Variants in KIF26B observed in about 807,000 individuals in gnomAD.
KIF26B encodes kinesin-like protein KIF26B.
Under a neutral mutation model 151.2 loss-of-function variants are expected in KIF26B, and 63 were observed. That is an observed-to-expected ratio of 0.42 (90% CI 0.34 to 0.51). KIF26B has a LOEUF of 0.51. Among genes scored for constraint, KIF26B ranks in the 20% least tolerant of loss-of-function variants. The pLI is 0.07. For missense variants in KIF26B, 2,813 were observed against 2,913.6 expected (o/e 0.97, Z 0.79); for synonymous variants, 1,357 against 1,262.1 (o/e 1.08, Z -1.59).
intron 2 of KIF26B, among the ~76,000 whole-genome samples, chr1:245,245,199 GTGTC>G (rs374136352): frequency 2.0e-5 from 3 of 152,166 alleles, no homozygotes; most frequent in African/African-American, 4.8e-5. Context: ...GCTTTGCCTG[GTGTC>G]TGTCTGAGCG....
chr1:245,181,870 C>G (rs1257290193), intron 2 of KIF26B, among the ~76,000 whole-genome samples: 2 of 152,062 alleles, frequency 1.3e-5, no homozygotes, highest in East Asian at 1.9e-4. Context: ...CGTGCTAATG[C>G]TAGCTAATGC....
At chr1:245,395,991 G>A (rs1673829082) in intron 3 of KIF26B, among the ~76,000 whole-genome samples, 1 of 152,212 alleles carries the variant, frequency 6.6e-6, no homozygotes, top group South Asian at 2.1e-4. Context: ...AACTGTGGCA[G>A]CCTCTGCTCT....
intron 2 of KIF26B, among the ~76,000 whole-genome samples, chr1:245,307,174 C>T (rs997057692): frequency 1.3e-5 from 2 of 152,120 alleles, no homozygotes; most frequent in Non-Finnish European, 2.9e-5. Context: ...ATTAGTTTGT[C>T]AGATGAGGTA....
In KIF26B at chr1:245,560,833, G is replaced by A. The variant is rs1391207433; in HGVS notation, c.1350+19883G>A. 3.3e-5 allele frequency among the ~76,000 whole-genome samples: 5 copies of A among 152,118 alleles called. No homozygotes were observed. The highest frequency in any genetic ancestry group is 7.4e-5 in the Non-Finnish European group (5 of 68,006). On this transcript the variant is annotated intron_variant, in intron 5 of 14. Transcript: ENST00000407071. The surrounding 1 kb of genome is among the most constrained non-coding windows in gnomAD (Gnocchi z 4.3). Reference sequence around the variant, plus strand: ...TCCCCACAGCACAGGGACAGCCTCCGCAGACTCCCGTGTGTGTGCTCTGGA... The same window carrying A: ...TCCCCACAGCACAGGGACAGCCTCCACAGACTCCCGTGTGTGTGCTCTGGA...
intron 4 of KIF26B, among the ~76,000 whole-genome samples, chr1:245,474,655 C>T (rs900802413): frequency 6.6e-6 from 1 of 151,702 alleles, no homozygotes; most frequent in Non-Finnish European, 1.5e-5. Context: ...TCAGGTGATC[C>T]GCCTGCCTTG....
rs746703956 is a variant in KIF26B at position 245,702,748 on chromosome 1, G to A, written c.*142G>A. 9.0e-5 allele frequency: 81 copies of A among 902,000 alleles called. 1 individual carries two copies. In the Middle Eastern group the frequency reaches 1.1e-3, roughly 12 times the overall value. 55.9% of individuals were successfully genotyped at this position (902,000 alleles called of 1,614,324 possible). ...GGCAAGTCTGGAGCGGGCGTTGAGC[G>A]GAAGGCGAGTTTTCTTTTGTTTTCT... On this transcript the variant is annotated 3_prime_UTR_variant, in exon 15 of 15. Coordinates refer to ENST00000407071, the MANE Select transcript of KIF26B (RefSeq NM_018012.4). This position sits in a 1 kb window ranked among gnomAD's most constrained non-coding sequence, Gnocchi z 4.1.
intron 10 of KIF26B, among the ~76,000 whole-genome samples, chr1:245,656,674 A>G (rs1031680728): frequency 2.0e-5 from 3 of 152,244 alleles, no homozygotes; most frequent in African/African-American, 7.2e-5. Flanking sequence ...TGGAGCATAC[A>G]AATGTGTTGG....
chr1:245,599,090 A>G (rs1377662454), intron 5 of KIF26B, among the ~76,000 whole-genome samples: 1 of 152,042 alleles, frequency 6.6e-6, no homozygotes, highest in African/African-American at 2.4e-5. Context: ...GTTGCCAAGA[A>G]CCTAAGGGTG....
At chr1:245,670,822 C>T (rs185636128) in intron 10 of KIF26B, among the ~76,000 whole-genome samples, 46 of 152,260 alleles carry the variant, frequency 3.0e-4, no homozygotes, top group African/African-American at 1.1e-3. Context: ...ATGGGGTATC[C>T]ATCCCCTCAA....
chr1:245,297,155 C>T (rs994813273), intron 2 of KIF26B, among the ~76,000 whole-genome samples: 6 of 152,080 alleles, frequency 3.9e-5, no homozygotes, highest in African/African-American at 1.4e-4. Context: ...CCAGCCTGGC[C>T]AACATGGTGA....
intron 2 of KIF26B, among the ~76,000 whole-genome samples, chr1:245,333,342 C>G (rs1672151257): frequency 6.6e-6 from 1 of 152,218 alleles, no homozygotes; most frequent in South Asian, 2.1e-4. Context: ...CAGCCACAGT[C>G]ACAAAAGCGC....
rs114721482 is a variant in KIF26B, at chr1:245,209,050, C to T, written c.465+52367C>T. Among the ~76,000 whole-genome samples, 1,021 of 152,276 alleles carry T rather than the reference C, an allele frequency of 6.7e-3. 5 individuals carry two copies. Among genetic ancestry groups the T allele is most frequent in the Middle Eastern group, 0.02 (6 of 294 alleles). On this transcript the variant is annotated intron_variant, in intron 2 of 14. Transcript: ENST00000407071. ...GTAAGTCCCTTGAGGTCAAGGATCT[C>T]GTCTCCTCTGTTCTTAGTATCCTCT...
At chr1:245,235,185 T>C (rs1388482485) in intron 2 of KIF26B, among the ~76,000 whole-genome samples, 2 of 152,218 alleles carry the variant, frequency 1.3e-5, no homozygotes, top group African/African-American at 4.8e-5. Context: ...AGGTCATTAC[T>C]CTCTTGCTTT....
intron 4 of KIF26B, among the ~76,000 whole-genome samples, chr1:245,523,414 T>C (rs1661173880): frequency 6.6e-6 from 1 of 152,240 alleles, no homozygotes; most frequent in Non-Finnish European, 1.5e-5. Flanking sequence ...AGAGTATCTG[T>C]AGATAATCTA....
At chr1:245,187,077 G>A (rs1669013463) in intron 2 of KIF26B, among the ~76,000 whole-genome samples, 1 of 152,082 alleles carries the variant, frequency 6.6e-6, no homozygotes, top group African/African-American at 2.4e-5. Flanking sequence ...GGATGGTCTC[G>A]ATCTCTTGAC....
chr1:245,609,010 C>T (rs781373215), intron 7 of KIF26B, among the ~76,000 whole-genome samples: 4 of 152,158 alleles, frequency 2.6e-5, no homozygotes, highest in African/African-American at 9.7e-5. Flanking sequence ...CATCTTGGCC[C>T]CCACAAAGTG....
At chr1:245,444,697 C>T (rs1558168456) in intron 4 of KIF26B, among the ~76,000 whole-genome samples, 1 of 152,164 alleles carries the variant, frequency 6.6e-6, no homozygotes, top group Admixed American at 6.5e-5. Flanking sequence ...ACAAGGCAGA[C>T]TAACGTCTCT....
At position 245,685,951 on chromosome 1, in the gene KIF26B, A is replaced by G. The variant is rs1166417388; in HGVS notation, c.2968A>G (p.Asn990Asp). 5 of 1,608,812 alleles carry G rather than the reference A, an allele frequency of 3.1e-6. No individual in the cohort carries two copies. Among genetic ancestry groups the G allele is most frequent in the Admixed American group, 3.4e-5 (2 of 59,284 alleles). ...EDNGSEGQLT[N>D]REGPELPASK... The stretch of plus-strand genomic sequence containing the variant: ...TAATGGGTCCGAAGGTCAGCTGACC[A>G]ACAGAGAAGGCCCTGAACTCCCAGC... The change falls in exon 12 of 15, where the codon AAC (asparagine) becomes GAC (aspartate). Residue 990 changes from asparagine (N) to aspartate (D), a missense_variant. Asn to Asp is a conservative substitution (Grantham distance 23). Around this residue, in one of 3 missense-constraint regions of KIF26B, gnomAD observed 2,060 missense variants for 2,088.6 expected, o/e 0.99. Transcript: ENST00000407071.
At chr1:245,464,678 A>G (rs551872466) in intron 4 of KIF26B, among the ~76,000 whole-genome samples, 2 of 150,458 alleles carry the variant, frequency 1.3e-5, no homozygotes, top group East Asian at 1.9e-4. Flanking sequence ...GGGTGTGTGC[A>G]TGTGTGAGTA....
Sources: allele counts gnomAD v4.1 joint callset (sites outside exome capture counted in the v4.1 genomes callset), GRCh38; gene constraint gnomAD v4.1.1; regional missense constraint gnomAD v4.1.1; non-coding constraint Gnocchi (gnomAD v3.1); transcripts MANE v1.5; gene names NCBI Gene and HGNC (gene_info 2026-07-23, HGNC 2026-07-21).